Variants in OR2L13 observed in about 807,000 individuals in gnomAD.
OR2L13 encodes the protein olfactory receptor 2L13.
Under a neutral mutation model 15.3 loss-of-function variants are expected in OR2L13, and 14 were observed. The ratio of observed to expected loss-of-function variants is 0.91; its 90% CI spans 0.60 to 1.43. OR2L13 has a LOEUF of 1.43. Ranked by LOEUF, OR2L13 falls within the 40% of genes most tolerant of loss-of-function variation. The pLI is 0.00. For synonymous variants in OR2L13, 152 were observed against 142.9 expected (o/e 1.06, Z -0.45); for missense variants, 367 against 387.9 (o/e 0.95, Z 0.45).
the OR2L13 span, among the ~76,000 whole-genome samples, chr1:248,054,505 G>A: frequency 5.9e-5 from 9 of 152,012 alleles, no homozygotes; most frequent in South Asian, 2.1e-4. Flanking sequence ...TATTGGAATA[G>A]CATTGTATCT....
the OR2L13 span, among the ~76,000 whole-genome samples, chr1:248,066,407 T>C: frequency 6.6e-6 from 1 of 152,202 alleles, no homozygotes; most frequent in Non-Finnish European, 1.5e-5. Context: ...AAGATTTACC[T>C]CAACCCCACT....
the OR2L13 span, among the ~76,000 whole-genome samples, chr1:248,085,415 A>AAAT: frequency 2.6e-5 from 1 of 38,806 alleles, no homozygotes; most frequent in African/African-American, 9.7e-5. Flanking sequence ...AAATAAAATA[A>AAAT]AATAATAAAA....
At chr1:248,042,538 CA>C in the OR2L13 span, among the ~76,000 whole-genome samples, 1 of 150,872 alleles carries the variant, frequency 6.6e-6, no homozygotes, top group Non-Finnish European at 1.5e-5. Flanking sequence ...AAATAAATTG[CA>C]AAAAAACAAA....
At chr1:247,973,779 C>G in the OR2L13 span, among the ~76,000 whole-genome samples, 1 of 152,276 alleles carries the variant, frequency 6.6e-6, no homozygotes, top group African/African-American at 2.4e-5. Flanking sequence ...CGGGAAACAA[C>G]AGATGCTGGT....
the OR2L13 span, chr1:247,965,585 A>G: frequency 6.9e-6 from 11 of 1,590,958 alleles, no homozygotes; most frequent in Non-Finnish European, 9.4e-6. Context: ...TCCATCGTTG[A>G]CCTCATGTAC....
the OR2L13 span, among the ~76,000 whole-genome samples, chr1:248,066,291 A>T: frequency 1.3e-5 from 2 of 152,182 alleles, no homozygotes; most frequent in African/African-American, 4.8e-5. Context: ...TCTTGTACCA[A>T]TTTGTTTCCT....
the OR2L13 span, among the ~76,000 whole-genome samples, chr1:247,996,782 G>A: frequency 6.6e-6 from 1 of 152,128 alleles, no homozygotes. Flanking sequence ...TTTTGAAGAT[G>A]TGGAAACAGT....
exon 3 of OR2L13, chr1:248,100,418 A>C: frequency 1.9e-6 from 1 of 530,876 alleles, no homozygotes; most frequent in Non-Finnish European, 3.3e-6. Flanking sequence ...AAAATTTTCT[A>C]ATAGGTACAT....
At chr1:248,090,200 C>T (rs747776338), upstream of OR2L13, among the ~76,000 whole-genome samples, 48 of 150,996 alleles carry the variant, frequency 3.2e-4, no homozygotes, top group African/African-American at 8.5e-4. Context: ...ACTTGAGTTT[C>T]GTTTGGTAAC....
the OR2L13 span, among the ~76,000 whole-genome samples, chr1:247,939,980 G>C: frequency 7.9e-5 from 12 of 152,062 alleles, no homozygotes; most frequent in Non-Finnish European, 2.9e-5. Context: ...TATAATATCT[G>C]TGTTTTTATG....
At chr1:247,953,859 T>C in the OR2L13 span, among the ~76,000 whole-genome samples, 1 of 152,160 alleles carries the variant, frequency 6.6e-6, no homozygotes, top group African/African-American at 2.4e-5. Context: ...TTAACTCTTA[T>C]TTTTCACTAT....
chr1:247,949,904 C>G, the OR2L13 span: 649,488 of 722,192 alleles, frequency 0.9, 300,561 homozygotes, highest in South Asian at 0.95. Context: ...AACTAACCAA[C>G]GGAAGAAGAA....
chr1:247,965,266 A>C, the OR2L13 span: 1 of 1,299,560 alleles, frequency 7.7e-7, no homozygotes, highest in African/African-American at 1.5e-5. Flanking sequence ...CCAAACATGT[A>C]AGTGAATATT....
the OR2L13 span, among the ~76,000 whole-genome samples, chr1:248,044,673 G>A: frequency 1.7e-5 from 2 of 117,490 alleles, 1 homozygote; most frequent in African/African-American, 1.2e-4. Context: ...CGCGGTGGCG[G>A]GCGCCTGTAG....
chr1:248,022,272 G>A, the OR2L13 span: 50 of 1,614,042 alleles, frequency 3.1e-5, no homozygotes, highest in Non-Finnish European at 4.1e-5. Flanking sequence ...TTTTGCAGGT[G>A]CAGAAGCGCT....
the OR2L13 span, among the ~76,000 whole-genome samples, chr1:247,967,080 G>A: frequency 1.4e-5 from 1 of 73,972 alleles, no homozygotes; most frequent in Admixed American, 1.4e-4. Flanking sequence ...GTGCACACCC[G>A]GGGCCACCCA....
the OR2L13 span, among the ~76,000 whole-genome samples, chr1:247,988,108 T>G: frequency 6.6e-6 from 1 of 152,042 alleles, no homozygotes; most frequent in Non-Finnish European, 1.5e-5. Flanking sequence ...GCCATTTGAG[T>G]ATGGTGGCTA....
At chr1:247,991,587 T>C in the OR2L13 span, among the ~76,000 whole-genome samples, 21 of 149,198 alleles carry the variant, frequency 1.4e-4, no homozygotes, top group Non-Finnish European at 2.7e-4. Flanking sequence ...TTAGACTCAG[T>C]TGGGTGTCAA....
the OR2L13 span, among the ~76,000 whole-genome samples, chr1:248,021,486 C>A: frequency 1.3e-5 from 2 of 152,160 alleles, no homozygotes; most frequent in African/African-American, 4.8e-5. Flanking sequence ...GAAAATGCCA[C>A]AAATGAACAC....
Sources: gnomAD v4.1 joint callset for allele counts (sites outside exome capture counted in the v4.1 genomes callset) on GRCh38, gnomAD v4.1.1 for gene constraint, MANE v1.5 for transcripts, NCBI Gene and HGNC (gene_info 2026-07-23, HGNC 2026-07-21) for gene names.